DNMBP: variants seen among roughly 807,000 people sequenced by gnomAD.
The protein encoded by DNMBP is dynamin-binding protein.
DNMBP carries 87 observed loss-of-function variants against 150.0 expected under a neutral mutation model. The observed-to-expected ratio is 0.58, with a 90% CI of 0.49 to 0.69. DNMBP has a LOEUF of 0.69. Among genes scored for constraint, DNMBP ranks in the 30% least tolerant of loss-of-function variants. The probability of loss-of-function intolerance (pLI) is 0.00; values close to 1 mark genes in which losing one functional copy is unlikely to be tolerated. For synonymous variants in DNMBP, 711 were observed against 750.4 expected, an observed-to-expected ratio of 0.95 and a Z score of 0.86; for missense variants, 1,774 against 1,949.0, an observed-to-expected ratio of 0.91 and a Z score of 1.69.
chr10:99,979,436 A>G (rs987294604), intron 1 of DNMBP, among the ~76,000 whole-genome samples: 9 of 152,194 alleles, frequency 5.9e-5, no homozygotes, highest in Non-Finnish European at 7.3e-5. Context: ...AATACTTTCT[A>G]TGGACTAAAG....
intron 4 of DNMBP, among the ~76,000 whole-genome samples, chr10:99,954,780 G>T (rs2040464788): frequency 1.3e-5 from 2 of 149,936 alleles, no homozygotes; most frequent in South Asian, 4.2e-4. Context: ...GCCGGGCGTG[G>T]TGGCTCATGC....
chr10:99,902,928 A>T (rs969057902), intron 6 of DNMBP, among the ~76,000 whole-genome samples: 17 of 134,604 alleles, frequency 1.3e-4, no homozygotes, highest in Non-Finnish European at 2.1e-4. Context: ...TTCTGTCTTT[A>T]AAAAAAAAAA....
At chr10:99,913,130 TA>T (rs530770137) in intron 4 of DNMBP, among the ~76,000 whole-genome samples, 1 of 152,004 alleles carries the variant, frequency 6.6e-6, no homozygotes, top group Non-Finnish European at 1.5e-5. Context: ...CACCCGTCTC[TA>T]AAAAAATTAA....
intron 4 of DNMBP, chr10:99,930,052 C>T (rs2040130938): frequency 1.4e-6 from 1 of 702,856 alleles, no homozygotes; most frequent in African/African-American, 1.7e-5. Context: ...ACATTCCTGT[C>T]CCCTTCATGG....
intron 2 of DNMBP, 132 bp downstream of exon 2, chr10:99,971,848 C>A: frequency 1.1e-6 from 1 of 926,108 alleles, no homozygotes; most frequent in Non-Finnish European, 1.6e-6. Flanking sequence ...TTCTTTCTTT[C>A]TTTCTTTCTT....
chr10:99,904,630 C>T (rs1433317544), intron 6 of DNMBP, among the ~76,000 whole-genome samples: 3 of 152,192 alleles, frequency 2.0e-5, no homozygotes, highest in Non-Finnish European at 4.4e-5. Flanking sequence ...CCCCACCACC[C>T]ACCATCCCTC....
intron 12 of DNMBP, among the ~76,000 whole-genome samples, chr10:99,887,582 G>T (rs995626781): frequency 6.6e-6 from 1 of 151,990 alleles, no homozygotes; most frequent in African/African-American, 2.4e-5. Context: ...AGACATTAAG[G>T]GTAAGGCAAT....
In DNMBP at chr10:99,911,253, G is replaced by A. The variant is rs548034437; in HGVS notation, c.2261-2107C>T. On this transcript the variant is annotated intron_variant, in intron 4 of 16. Coordinates refer to ENST00000324109, the MANE Select transcript of DNMBP (RefSeq NM_015221.4). ...AATCTGGCCAGGTGCAGTGGCTCAC[G>A]CCTGTCATCCCCGCACTTTGGGAGT... 1.1e-4 allele frequency among the ~76,000 whole-genome samples: 17 copies of A among 152,066 alleles called. No homozygotes were observed. In the East Asian group the frequency reaches 3.3e-3, roughly 29 times the overall value.
rs747726572 is a variant in DNMBP, at chr10:99,986,594, C to CAAAAAAAAAAAAAAAA, written c.-10-14476_-10-14461dup. On this transcript the variant is annotated intron_variant, in intron 1 of 16. Coordinates refer to ENST00000324109, the MANE Select transcript of DNMBP (RefSeq NM_015221.4). ...TGGGAGACAGAGCAAGACTCCGTCT[C>CAAAAAAAAAAAAAAAA]AAAAAAAAAAAAAAAAAAAAAAAAA... 5.9e-4 allele frequency among the ~76,000 whole-genome samples: 44 copies of CAAAAAAAAAAAAAAAA among 74,158 alleles called. 3 individuals are homozygous for CAAAAAAAAAAAAAAAA. Among genetic ancestry groups the CAAAAAAAAAAAAAAAA allele is most frequent in the South Asian group, 1.7e-3 (3 of 1,778 alleles). 48.7% of individuals were successfully genotyped at this position (74,158 alleles called of 152,430 possible).
Position 99,986,460 on chromosome 10 carries a change from G to A in DNMBP, c.-10-14326C>T, listed in dbSNP as rs2040828034. Among the ~76,000 whole-genome samples the A allele has an allele frequency of 1.3e-5, 2 of 151,972 alleles. 1 individual carries two copies. The highest frequency in any genetic ancestry group is 1.3e-4 in the Admixed American group (2 of 15,250). ...TATTTGGTGGGAAATGTGCCAAAAT[G>A]ATTCCAATTACTTTAAGCTGAATTT... On this transcript the variant is annotated intron_variant, in intron 1 of 16. Coordinates refer to ENST00000324109, the MANE Select transcript of DNMBP (RefSeq NM_015221.4).
intron 4 of DNMBP, among the ~76,000 whole-genome samples, chr10:99,919,281 T>C (rs2039997246): frequency 6.6e-6 from 1 of 152,212 alleles, no homozygotes. Context: ...TCCTGCATTA[T>C]ATTTCCATTA....
intron 4 of DNMBP, among the ~76,000 whole-genome samples, chr10:99,954,328 G>A (rs957936942): frequency 6.6e-6 from 1 of 150,664 alleles, no homozygotes; most frequent in East Asian, 2.0e-4. Context: ...GTGAGCCACC[G>A]CACCCGGCAA....
Position 99,922,175 on chromosome 10 carries a change from T to C in DNMBP, c.2261-13029A>G, listed in dbSNP as rs528511942. Among the ~76,000 whole-genome samples the C allele has an allele frequency of 3.9e-5, 6 of 152,194 alleles. No individual in the cohort carries two copies. The South Asian group carries it at 1.2e-3, about 32-fold the overall frequency. On this transcript the variant is annotated intron_variant, in intron 4 of 16. Transcript: ENST00000324109. The stretch of plus-strand genomic sequence containing the variant: ...GCACTTCCTGGTTTCTCAGGAAATA[T>C]CAAATTGGAAAACTGTGGTATCAGG...
chr10:99,967,690 TGTGTGTGTGG>T (rs2040634159), intron 3 of DNMBP, among the ~76,000 whole-genome samples: 1 of 151,750 alleles, frequency 6.6e-6, no homozygotes, highest in African/African-American at 2.4e-5. Flanking sequence ...TGTGTGTGTG[TGTGTGTGTGG>T]GTATGTGTGT....
intron 1 of DNMBP, among the ~76,000 whole-genome samples, chr10:100,001,818 C>G (rs1307277376): frequency 6.6e-6 from 1 of 152,138 alleles, no homozygotes; most frequent in Non-Finnish European, 1.5e-5. Flanking sequence ...AAGGTGACAA[C>G]CTGGGAGGAC....
In DNMBP at chr10:99,977,211, G is replaced by T. The variant is rs1054396607; in HGVS notation, c.-10-5077C>A. Among the ~76,000 whole-genome samples, 5 of 152,246 alleles carry T rather than the reference G, an allele frequency of 3.3e-5. No individual in the cohort carries two copies. In the East Asian group the frequency reaches 9.6e-4, roughly 29 times the overall value. On this transcript the variant is annotated intron_variant, in intron 1 of 16. Transcript: ENST00000324109. The stretch of plus-strand genomic sequence containing the variant: ...AGAAGGGTACTGAAGTCACGGCCTC[G>T]CTAAATTACATGATTCATGTGTGAG...
At position 99,956,360 on chromosome 10, in the gene DNMBP, T is replaced by C; in HGVS notation, c.1114A>G (p.Arg372Gly). The C allele has an allele frequency of 1.5e-5, 24 of 1,614,066 alleles. No individual in the cohort carries two copies. Among genetic ancestry groups the C allele is most frequent in the Non-Finnish European group, 1.9e-5 (23 of 1,180,034 alleles). The change falls in exon 4 of 17, where the codon AGA becomes GGA. Residue 372 changes from arginine to glycine, a missense_variant. This residue lies in a region of DNMBP where 1,430 missense variants were observed against 1,492.5 expected (regional missense o/e 0.96). Transcript: ENST00000324109. ...GHLTSEYDTDRNSYQDEDTAG... is the reference protein window; with the variant it reads ...GHLTSEYDTDGNSYQDEDTAG... ...GTGTCCTCGTCCTGATAAGAGTTTC[T>C]GTCTGTGTCATACTCTGAAGTCAGA...
chr10:99,981,124 A>C (rs2040776513), intron 1 of DNMBP, among the ~76,000 whole-genome samples: 3 of 152,356 alleles, frequency 2.0e-5, no homozygotes, highest in South Asian at 4.1e-4. Flanking sequence ...ACAATAAAAA[A>C]AAATTTTAAG....
chr10:99,902,820 C>T (rs1340387623), intron 6 of DNMBP, among the ~76,000 whole-genome samples: 4 of 151,128 alleles, frequency 2.6e-5, no homozygotes, highest in African/African-American at 7.3e-5. Flanking sequence ...CCCAGCTACT[C>T]GGGAGACTGA....
Sources: gnomAD v4.1 joint callset for allele counts (sites outside exome capture counted in the v4.1 genomes callset) on GRCh38, gnomAD v4.1.1 for gene constraint, gnomAD v4.1.1 regional missense constraint, MANE v1.5 for transcripts, NCBI Gene and HGNC (gene_info 2026-07-23, HGNC 2026-07-21) for gene names.